Variants in TNIK observed in about 807,000 individuals in gnomAD.
TNIK encodes the protein TRAF2 and NCK interacting kinase.
A neutral mutation model predicts 191.3 loss-of-function variants in TNIK; 49 were observed. The observed-to-expected ratio is 0.26, with a 90% CI of 0.20 to 0.32. TNIK has a LOEUF of 0.32. TNIK is among the 10% of genes least tolerant of loss of function. The pLI is 1.00. For synonymous variants in TNIK, 594 were observed against 600.9 expected, an observed-to-expected ratio of 0.99 and a Z score of 0.17; for missense variants, 1,155 against 1,702.3, an observed-to-expected ratio of 0.68 and a Z score of 5.66.
At chr3:171,311,303 A>C (rs532208486) in intron 2 of TNIK, among the ~76,000 whole-genome samples, 90 of 127,124 alleles carry the variant, frequency 7.1e-4, no homozygotes, top group African/African-American at 2.4e-3. Flanking sequence ...ATTAGCATAC[A>C]ATTATTATTC....
At chr3:171,455,195 TAA>T (rs1309214137) in intron 1 of TNIK, among the ~76,000 whole-genome samples, 2 of 152,088 alleles carry the variant, frequency 1.3e-5, no homozygotes, top group Non-Finnish European at 2.9e-5. Context: ...GAGGTACTGT[TAA>T]AAAGAGTCGG....
At chr3:171,135,426 C>T (rs978988184) in intron 15 of TNIK, among the ~76,000 whole-genome samples, 8 of 152,158 alleles carry the variant, frequency 5.3e-5, no homozygotes, top group Non-Finnish European at 8.8e-5. Context: ...ATTTGTACAT[C>T]GATTGCTCCA....
intron 30 of TNIK, 44 bp downstream of exon 30, chr3:171,068,804 C>A: frequency 6.4e-7 from 1 of 1,565,952 alleles, no homozygotes; most frequent in South Asian, 1.2e-5. Flanking sequence ...TACATGCAGG[C>A]TGTTGTACAG....
At chr3:171,421,724 AT>A (rs67895255) in intron 1 of TNIK, among the ~76,000 whole-genome samples, 4,660 of 91,226 alleles carry the variant, frequency 0.051, 58 homozygotes, top group Middle Eastern at 0.07. Flanking sequence ...TAGTTGTGTA[AT>A]TTTTTTTTTT....
At chr3:171,117,814 C>CA (rs1726984374) in intron 18 of TNIK, among the ~76,000 whole-genome samples, 2 of 152,040 alleles carry the variant, frequency 1.3e-5, no homozygotes, top group Admixed American at 1.3e-4. Flanking sequence ...ACTAAAAATA[C>CA]AAAAAATTAG....
chr3:171,262,326 C>A (rs1747746549), intron 2 of TNIK, among the ~76,000 whole-genome samples: 1 of 152,070 alleles, frequency 6.6e-6, no homozygotes, highest in Non-Finnish European at 1.5e-5. Context: ...TCTGTGATAT[C>A]AGCCTGAATG....
At chr3:171,095,547 T>C (rs898731875) in intron 22 of TNIK, among the ~76,000 whole-genome samples, 1 of 152,262 alleles carries the variant, frequency 6.6e-6, no homozygotes, top group Non-Finnish European at 1.5e-5. Flanking sequence ...TTATTTTCAT[T>C]GTTTCTTATA....
intron 2 of TNIK, among the ~76,000 whole-genome samples, chr3:171,235,509 A>G (rs1487404749): frequency 6.6e-6 from 1 of 152,162 alleles, no homozygotes; most frequent in Non-Finnish European, 1.5e-5. Flanking sequence ...TGAACCAAGA[A>G]TGGCACCTGG....
chr3:171,129,019 G>A lies in TNIK; in HGVS notation c.1609-141C>T. The A allele has an allele frequency of 4.6e-6, 6 of 1,314,968 alleles. No individual in the cohort carries two copies. The South Asian group carries it at 1.0e-4, about 22-fold the overall frequency. 81.5% of individuals were successfully genotyped at this position (1,314,968 alleles called of 1,614,324 possible). On this transcript the variant is annotated intron_variant, in intron 15 of 32. Transcript: ENST00000436636. The stretch of plus-strand genomic sequence containing the variant: ...TGATTTTAAGAAGACAAAACTCTGT[G>A]CTGCATCAAGAGTTTGCAAAGAGCA...
chr3:171,120,546 C>A (rs1469368011), intron 18 of TNIK, among the ~76,000 whole-genome samples: 1 of 152,102 alleles, frequency 6.6e-6, no homozygotes, highest in African/African-American at 2.4e-5. Flanking sequence ...GTCTCGATCT[C>A]CTGACCTCGT....
chr3:171,208,746 G>A (rs936067489), intron 4 of TNIK, among the ~76,000 whole-genome samples: 1 of 152,110 alleles, frequency 6.6e-6, no homozygotes, highest in African/African-American at 2.4e-5. Context: ...TTTTAATAGA[G>A]ATAGGGTTTC....
intron 10 of TNIK, 124 bp downstream of exon 10, chr3:171,166,971 C>A (rs1274425961): frequency 4.9e-6 from 6 of 1,233,684 alleles, no homozygotes; most frequent in Non-Finnish European, 6.5e-6. Context: ...TCAGAGACAG[C>A]CCCTCGCACT....
chr3:171,364,260 C>T (rs1715388073), intron 2 of TNIK, among the ~76,000 whole-genome samples: 1 of 151,766 alleles, frequency 6.6e-6, no homozygotes. Flanking sequence ...GAGACCAGAC[C>T]CCAGAAAATT....
intron 2 of TNIK, among the ~76,000 whole-genome samples, chr3:171,282,341 GT>G (rs869305605): frequency 7.3e-4 from 58 of 79,952 alleles, no homozygotes; most frequent in African/African-American, 1.1e-3. Flanking sequence ...ATGGTTTTTT[GT>G]TTTTTTTTTT....
intron 2 of TNIK, among the ~76,000 whole-genome samples, chr3:171,275,655 G>A (rs1222358583): frequency 6.6e-6 from 1 of 152,116 alleles, no homozygotes; most frequent in East Asian, 1.9e-4. Flanking sequence ...CCAGCACTTT[G>A]GGAGGCCAAG....
At chr3:171,170,218 G>A (rs1735104654) in intron 9 of TNIK, among the ~76,000 whole-genome samples, 1 of 152,194 alleles carries the variant, frequency 6.6e-6, no homozygotes, top group African/African-American at 2.4e-5. Flanking sequence ...GAAATAAATG[G>A]TAATGATTGG....
At chr3:171,419,943 ACCT>A (rs1454940922) in intron 1 of TNIK, among the ~76,000 whole-genome samples, 2 of 152,162 alleles carry the variant, frequency 1.3e-5, no homozygotes, top group Non-Finnish European at 2.9e-5. Flanking sequence ...AGTGCCACTT[ACCT>A]ATAAGCTTGC....
chr3:171,230,553 A>T (rs1397767470), intron 2 of TNIK, among the ~76,000 whole-genome samples: 4 of 151,880 alleles, frequency 2.6e-5, no homozygotes, highest in Non-Finnish European at 4.4e-5. Context: ...ACTTGCTCTT[A>T]CTCTGTGGAC....
Position 171,063,072 on chromosome 3 carries a change from C to G in TNIK, c.*809G>C, listed in dbSNP as rs187174695. On this transcript the variant is annotated 3_prime_UTR_variant, in exon 33 of 33. Transcript: ENST00000436636. The stretch of plus-strand genomic sequence containing the variant: ...GGGAAAGTTGTGTTAGAGTGTCCCT[C>G]CATCGCTAGGCCAGCTCAACTCAAT... 2.2e-4 allele frequency: 34 copies of G among 152,310 alleles called. No individual in the cohort carries two copies. Among genetic ancestry groups the G allele is most frequent in the African/African-American group, 8.2e-4 (34 of 41,568 alleles). The allele number at this position is 152,310 out of a possible 1,614,324, so 9.4% of individuals were successfully genotyped here.
Sources: allele counts gnomAD v4.1 joint callset (sites outside exome capture counted in the v4.1 genomes callset), GRCh38; gene constraint gnomAD v4.1.1; transcripts MANE v1.5; gene names NCBI Gene and HGNC (gene_info 2026-07-23, HGNC 2026-07-21).